Variants in SNX29 observed in about 807,000 individuals in gnomAD.
The protein encoded by SNX29 is sorting nexin 29.
A neutral mutation model predicts 102.1 loss-of-function variants in SNX29; 78 were observed. That is an observed-to-expected ratio of 0.76 (90% CI 0.64 to 0.92). The LOEUF is 0.92. Ranked by LOEUF, SNX29 falls within the 40% of genes least tolerant of loss-of-function variation. The pLI is 0.00. For missense variants in SNX29, 1,280 were observed against 1,061.7 expected (o/e 1.21, Z -2.86); for synonymous variants, 580 against 414.5 (o/e 1.40, Z -4.85).
In SNX29 at chr16:12,052,129, G is replaced by C; in HGVS notation, c.1031G>C (p.Ser344Thr). Residue 344 changes from serine to threonine, a missense_variant, in exon 8 of 21, where the codon AGC becomes ACC. By Grantham distance (58) the Ser-to-Thr change is moderately conservative (BLOSUM62 1). Coordinates refer to ENST00000566228, the MANE Select transcript of SNX29 (RefSeq NM_032167.5). ...EFGYQKLDVKSIDDEDVDENE... is the reference protein window; with the variant it reads ...EFGYQKLDVKTIDDEDVDENE... ...GGGTACCAGAAGCTTGATGTGAAAA[G>C]CATCGATGATGAAGATGTGGATGAA... 2 of 1,613,982 alleles carry C rather than the reference G, an allele frequency of 1.2e-6. No homozygotes were observed. Among genetic ancestry groups the C allele is most frequent in the Non-Finnish European group, 1.7e-6 (2 of 1,179,872 alleles).
At chr16:12,404,470 C>A (rs2084085590) in intron 18 of SNX29, among the ~76,000 whole-genome samples, 1 of 152,184 alleles carries the variant, frequency 6.6e-6, no homozygotes. Context: ...TGTTCTGGGA[C>A]TGCTTTGTTC....
At chr16:12,371,965 A>G (rs977250017) in intron 16 of SNX29, among the ~76,000 whole-genome samples, 1 of 152,022 alleles carries the variant, frequency 6.6e-6, no homozygotes, top group Non-Finnish European at 1.5e-5. Flanking sequence ...ATGGTTTAAC[A>G]TTTTTTCTAA....
At chr16:12,008,444 T>G (rs961893674) in intron 3 of SNX29, among the ~76,000 whole-genome samples, 5 of 151,628 alleles carry the variant, frequency 3.3e-5, no homozygotes, top group African/African-American at 1.2e-4. Flanking sequence ...TAATTTTGTA[T>G]TTTTAGTAGA....
At chr16:12,025,384 C>T (rs1205810223) in intron 3 of SNX29, among the ~76,000 whole-genome samples, 1 of 150,576 alleles carries the variant, frequency 6.6e-6, no homozygotes, top group African/African-American at 2.4e-5. Flanking sequence ...GTGATATCTG[C>T]CCAGCAAAGA....
intron 19 of SNX29, among the ~76,000 whole-genome samples, chr16:12,511,841 A>G (rs1226391855): frequency 2.0e-5 from 3 of 152,022 alleles, no homozygotes; most frequent in Non-Finnish European, 2.9e-5. Context: ...GGGCTGTCCC[A>G]CAGCCTCCTA....
At chr16:12,529,274 C>T (rs1277029302) in intron 20 of SNX29, among the ~76,000 whole-genome samples, 1 of 152,196 alleles carries the variant, frequency 6.6e-6, no homozygotes, top group Non-Finnish European at 1.5e-5. Context: ...AGATGAGTGC[C>T]AGCCTCCCAA....
chr16:12,087,262 G>T (rs2052247371), intron 11 of SNX29: 1 of 158,564 alleles, frequency 6.3e-6, no homozygotes, highest in South Asian at 1.8e-4. Context: ...GCTGGGTATG[G>T]TGGTGGGTGC....
At chr16:12,156,563 T>G (rs543676014) in intron 13 of SNX29, among the ~76,000 whole-genome samples, 1 of 152,138 alleles carries the variant, frequency 6.6e-6, no homozygotes, top group East Asian at 1.9e-4. Flanking sequence ...CCAATGAAGG[T>G]GGATATGGGG....
At position 12,268,391 on chromosome 16, in the gene SNX29, A is replaced by G. The variant is rs542868925; in HGVS notation, c.1679-9542A>G. Among the ~76,000 whole-genome samples the G allele has an allele frequency of 1.8e-4, 28 of 152,348 alleles. No individual in the cohort carries two copies. In the South Asian group the frequency reaches 5.4e-3, roughly 29 times the overall value. On this transcript the variant is annotated intron_variant, in intron 14 of 20. Transcript: ENST00000566228. ...CCCAGAGTCACCCCTGCTAAGCGGT[A>G]GAGCCAGACTTTGACTCCCAGGGTC...
At chr16:12,535,799 C>T (rs534885253) in intron 20 of SNX29, among the ~76,000 whole-genome samples, 26 of 152,192 alleles carry the variant, frequency 1.7e-4, no homozygotes, top group African/African-American at 5.5e-4. Context: ...AGGCCGCAGC[C>T]ACTGTGTAAG....
At position 12,217,488 on chromosome 16, in the gene SNX29, G is replaced by C. The variant is rs188477351; in HGVS notation, c.1678+17805G>C. On this transcript the variant is annotated intron_variant, in intron 14 of 20. Coordinates refer to ENST00000566228, the MANE Select transcript of SNX29 (RefSeq NM_032167.5). Reference sequence around the variant, plus strand: ...AATACTTTGAAACCTACAGGTGGTAGTGTGTCTAACACCTGTAGACAGGTA... The same window carrying C: ...AATACTTTGAAACCTACAGGTGGTACTGTGTCTAACACCTGTAGACAGGTA... Among the ~76,000 whole-genome samples, 124 of 152,320 alleles carry C rather than the reference G, an allele frequency of 8.1e-4. 1 individual carries two copies. Among genetic ancestry groups the C allele is most frequent in the Non-Finnish European group, 4.3e-4 (29 of 68,040 alleles).
At chr16:12,518,726 C>A (rs1361680272) in intron 19 of SNX29, among the ~76,000 whole-genome samples, 4 of 152,216 alleles carry the variant, frequency 2.6e-5, no homozygotes, top group Non-Finnish European at 5.9e-5. Context: ...CTGTCACAGG[C>A]CTGGTGGGCC....
At position 12,337,328 on chromosome 16, in the gene SNX29, A is replaced by G. The variant is rs190223755; in HGVS notation, c.1783-18835A>G. 1.0e-3 allele frequency among the ~76,000 whole-genome samples: 152 copies of G among 152,046 alleles called. 1 individual carries two copies. Among genetic ancestry groups the G allele is most frequent in the African/African-American group, 3.5e-3 (146 of 41,482 alleles). ...AAATTATGTGGATTTAAGGTATGCAATGCGATGGGTGTTTTGTTGTTGTTG... is the reference window on the plus strand; with the variant it reads ...AAATTATGTGGATTTAAGGTATGCAGTGCGATGGGTGTTTTGTTGTTGTTG... On this transcript the variant is annotated intron_variant, in intron 15 of 20. Coordinates refer to ENST00000566228, the MANE Select transcript of SNX29 (RefSeq NM_032167.5).
At chr16:12,044,341 A>T (rs1450308984) in intron 5 of SNX29, among the ~76,000 whole-genome samples, 13 of 152,000 alleles carry the variant, frequency 8.6e-5, no homozygotes, top group Admixed American at 7.2e-4. Context: ...AATGTCTCAG[A>T]TCTTCTGGGA....
At chr16:12,555,539 G>C (rs1037896724) in intron 20 of SNX29, among the ~76,000 whole-genome samples, 2 of 151,116 alleles carry the variant, frequency 1.3e-5, no homozygotes, top group Non-Finnish European at 2.9e-5. Context: ...TCTCTGGGAG[G>C]TCATACCGTG....
At chr16:12,533,524 C>T (rs1041337836) in intron 20 of SNX29, among the ~76,000 whole-genome samples, 2 of 152,192 alleles carry the variant, frequency 1.3e-5, no homozygotes, top group Admixed American at 6.5e-5. Context: ...GCCCGTCAGC[C>T]ACTGCAGCCT....
At chr16:12,276,406 G>T (rs891344098) in intron 14 of SNX29, among the ~76,000 whole-genome samples, 1 of 152,176 alleles carries the variant, frequency 6.6e-6, no homozygotes, top group Non-Finnish European at 1.5e-5. Context: ...CCTTCGGCGG[G>T]CTCTAACAGT....
intron 14 of SNX29, among the ~76,000 whole-genome samples, chr16:12,215,700 A>G (rs1204455804): frequency 6.6e-6 from 1 of 152,234 alleles, no homozygotes; most frequent in African/African-American, 2.4e-5. Context: ...TGCTGTACCC[A>G]GAATTCCTCA....
intron 14 of SNX29, among the ~76,000 whole-genome samples, chr16:12,233,520 C>T (rs893898756): frequency 1.3e-5 from 2 of 152,116 alleles, no homozygotes; most frequent in African/African-American, 4.8e-5. Context: ...ATCATTTTTA[C>T]CCCAAACCTT....
Sources: allele counts gnomAD v4.1 joint callset (sites outside exome capture counted in the v4.1 genomes callset), GRCh38; gene constraint gnomAD v4.1.1; transcripts MANE v1.5; gene names NCBI Gene and HGNC (gene_info 2026-07-23, HGNC 2026-07-21).